WWC2: variants seen among roughly 807,000 people sequenced by gnomAD.
WWC2 encodes WW and C2 domain containing 2.
Under a neutral mutation model 138.5 loss-of-function variants are expected in WWC2, and 101 were observed. That is an observed-to-expected ratio of 0.73 (90% CI 0.62 to 0.86). WWC2 has a LOEUF of 0.86. WWC2 is among the 40% of genes least tolerant of loss of function. WWC2 has a pLI of 0.00. For synonymous variants in WWC2, 558 were observed against 538.4 expected, an observed-to-expected ratio of 1.04 and a Z score of -0.50; for missense variants, 1,420 against 1,419.4, an observed-to-expected ratio of 1.00 and a Z score of -0.01.
At chr4:183,263,820 C>T (rs1737411543) in intron 11 of WWC2, among the ~76,000 whole-genome samples, 1 of 152,130 alleles carries the variant, frequency 6.6e-6, no homozygotes, top group Non-Finnish European at 1.5e-5. Flanking sequence ...GGGACGTCTG[C>T]CCTGCATGTG....
intron 21 of WWC2, among the ~76,000 whole-genome samples, chr4:183,294,154 T>C (rs1738555802): frequency 6.6e-6 from 1 of 152,140 alleles, no homozygotes; most frequent in African/African-American, 2.4e-5. Context: ...AATAAAACTT[T>C]ATTTACAAAA....
At chr4:183,141,813 T>C (rs1733308769) in intron 1 of WWC2, among the ~76,000 whole-genome samples, 1 of 152,214 alleles carries the variant, frequency 6.6e-6, no homozygotes, top group Admixed American at 6.5e-5. Context: ...TCTAACTAAA[T>C]AGATATTATC....
At chr4:183,130,210 G>A (rs941250362) in intron 1 of WWC2, among the ~76,000 whole-genome samples, 1 of 151,996 alleles carries the variant, frequency 6.6e-6, no homozygotes, top group African/African-American at 2.4e-5. Flanking sequence ...CCGCCACCAC[G>A]CCCTGCTAAT....
rs1028817931 is a variant in WWC2 at position 183,220,817 on chromosome 4, G to C, written c.522+11792G>C. Among the ~76,000 whole-genome samples, 4 of 148,808 alleles carry C rather than the reference G, an allele frequency of 2.7e-5. No homozygotes were observed. In the Admixed American group the frequency reaches 2.7e-4, roughly 10 times the overall value. ...CCACTGCACCCCAGCCTGGGCGACA[G>C]AGCGAGACTCCGTCTCAAAAAGAAA... On this transcript the variant is annotated intron_variant, in intron 4 of 22. Coordinates refer to ENST00000403733, the MANE Select transcript of WWC2 (RefSeq NM_024949.6).
In WWC2 at chr4:183,210,995, CT is replaced by C. The variant is rs1410514923; in HGVS notation, c.522+1973del. ...ATGTCTGCACTAAGTCTCTAAGTTA[CT>C]TTATGCACAGGCTTTTGCCTACATC... On this transcript the variant is annotated intron_variant, in intron 4 of 22. Transcript: ENST00000403733. 2.0e-5 allele frequency among the ~76,000 whole-genome samples: 3 copies of C among 152,316 alleles called. No individual in the cohort carries two copies. In the East Asian group the frequency reaches 5.8e-4, roughly 29 times the overall value.
intron 8 of WWC2, among the ~76,000 whole-genome samples, chr4:183,251,442 G>T (rs562411817): frequency 6.6e-6 from 1 of 152,178 alleles, no homozygotes; most frequent in African/African-American, 2.4e-5. Flanking sequence ...GCTTCCCATG[G>T]ATCAGCTTCA....
At chr4:183,241,049 A>G (rs1281451411) in intron 5 of WWC2, among the ~76,000 whole-genome samples, 1 of 152,118 alleles carries the variant, frequency 6.6e-6, no homozygotes, top group Non-Finnish European at 1.5e-5. Context: ...CTCATGGGAG[A>G]GAAGCAGTCC....
Position 183,316,031 on chromosome 4 carries a change from C to G in WWC2, c.*302C>G, listed in dbSNP as rs894325997. ...TCATTTTGTAAAAATGGAATAGAGG[C>G]AGTACCCCACATGTGTACTGTTGAG... On this transcript the variant is annotated 3_prime_UTR_variant, in exon 23 of 23. Coordinates refer to ENST00000403733, the MANE Select transcript of WWC2 (RefSeq NM_024949.6). The G allele has an allele frequency of 4.0e-5, 9 of 227,788 alleles. No individual in the cohort carries two copies. The highest frequency in any genetic ancestry group is 2.3e-4 in the Admixed American group (3 of 13,146). 14.1% of individuals were successfully genotyped at this position (227,788 alleles called of 1,614,324 possible).
intron 5 of WWC2, among the ~76,000 whole-genome samples, chr4:183,242,972 G>T (rs1196525765): frequency 6.6e-6 from 1 of 152,152 alleles, no homozygotes; most frequent in East Asian, 1.9e-4. Flanking sequence ...AAGTAGAGAA[G>T]TTCAAAGGAG....
At chr4:183,129,577 A>G (rs928396250) in intron 1 of WWC2, among the ~76,000 whole-genome samples, 2 of 152,196 alleles carry the variant, frequency 1.3e-5, no homozygotes, top group Non-Finnish European at 2.9e-5. Context: ...TTGTTGAAGA[A>G]TGTAAGGGCT....
At chr4:183,131,783 T>C (rs1209710276) in intron 1 of WWC2, among the ~76,000 whole-genome samples, 1 of 152,236 alleles carries the variant, frequency 6.6e-6, no homozygotes, top group East Asian at 1.9e-4. Flanking sequence ...ACATGAACTT[T>C]GCAAAGCTTT....
At chr4:183,158,453 G>T (rs894626819) in intron 1 of WWC2, among the ~76,000 whole-genome samples, 1 of 151,538 alleles carries the variant, frequency 6.6e-6, no homozygotes, top group East Asian at 2.0e-4. Context: ...TCTTCTCCTT[G>T]TGTCTTCACA....
intron 1 of WWC2, among the ~76,000 whole-genome samples, chr4:183,126,276 G>A (rs1732754711): frequency 2.0e-5 from 3 of 152,170 alleles, no homozygotes; most frequent in African/African-American, 7.2e-5. Flanking sequence ...TGTTTGAGAG[G>A]TAATGTCAGT....
Position 183,316,007 on chromosome 4 carries a change from C to T in WWC2, c.*278C>T. 3.4e-6 allele frequency: 1 copy of T among 296,136 alleles called. No individual in the cohort carries two copies. The highest frequency in any genetic ancestry group is 6.4e-6 in the Non-Finnish European group (1 of 156,772). The allele number at this position is 296,136 out of a possible 1,614,324, so 18.3% of individuals were successfully genotyped here. A position where few individuals can be genotyped will look rare whatever the true frequency, so the allele number is the denominator to read the frequency against. ...GTATGTGCGCATTGCCAGTGGACTT[C>T]ATTTTGTAAAAATGGAATAGAGGCA... On this transcript the variant is annotated 3_prime_UTR_variant, in exon 23 of 23. Transcript: ENST00000403733.
At chr4:183,217,722 C>T (rs935589052) in intron 4 of WWC2, among the ~76,000 whole-genome samples, 5 of 151,776 alleles carry the variant, frequency 3.3e-5, no homozygotes, top group Admixed American at 1.3e-4. Context: ...TAGAAACTAC[C>T]GAAAATGAAT....
At chr4:183,194,343 T>G (rs897420198) in intron 2 of WWC2, among the ~76,000 whole-genome samples, 1 of 152,230 alleles carries the variant, frequency 6.6e-6, no homozygotes, top group Middle Eastern at 3.2e-3. Context: ...ATATTTTTTA[T>G]ATATTTGTGT....
Position 183,319,472 on chromosome 4 carries a change from A to G in WWC2, c.*3743A>G. 7.4e-7 allele frequency: 1 copy of G among 1,351,052 alleles called. No individual in the cohort carries two copies. Among genetic ancestry groups the G allele is most frequent in the Non-Finnish European group, 1.0e-6 (1 of 985,514 alleles). The allele number at this position is 1,351,052 out of a possible 1,614,324, so 83.7% of individuals were successfully genotyped here. On this transcript the variant is annotated 3_prime_UTR_variant, in exon 23 of 23. Transcript: ENST00000403733. The stretch of plus-strand genomic sequence containing the variant: ...ATGCATTTTCAAAAATCAAAAGCAC[A>G]GTGAGATGACTAGAGCGGGACATCC...
At chr4:183,210,074 A>G (rs1301189825) in intron 4 of WWC2, among the ~76,000 whole-genome samples, 1 of 151,992 alleles carries the variant, frequency 6.6e-6, no homozygotes, top group East Asian at 1.9e-4. Flanking sequence ...ATAGTGTTCC[A>G]CTTTTGTGTA....
intron 4 of WWC2, among the ~76,000 whole-genome samples, chr4:183,237,247 G>GT (rs1355788570): frequency 6.6e-6 from 1 of 150,586 alleles, no homozygotes. Flanking sequence ...ATTTTCAATG[G>GT]TAAAGACAGG....
Sources: gnomAD v4.1 joint callset for allele counts (sites outside exome capture counted in the v4.1 genomes callset) on GRCh38, gnomAD v4.1.1 for gene constraint, MANE v1.5 for transcripts, NCBI Gene and HGNC (gene_info 2026-07-23, HGNC 2026-07-21) for gene names.